The following SYT2 variants were observed in gnomAD, a reference collection of about 807,000 sequenced individuals.
SYT2 encodes synaptotagmin-2.
SYT2 carries 15 observed loss-of-function variants against 39.9 expected under a neutral mutation model. The observed-to-expected ratio is 0.38, with a 90% CI of 0.25 to 0.58. The LOEUF (loss-of-function observed/expected upper bound fraction) is 0.58. Among genes scored for constraint, SYT2 ranks in the 20% least tolerant of loss-of-function variants. The probability of loss-of-function intolerance (pLI) is 0.70; values close to 1 mark genes in which losing one functional copy is unlikely to be tolerated. For synonymous variants in SYT2, 181 were observed against 204.5 expected, an observed-to-expected ratio of 0.89 and a Z score of 0.98; for missense variants, 389 against 530.3, an observed-to-expected ratio of 0.73 and a Z score of 2.62.
chr1:202,695,616 G>A (rs1267125040), intron 1 of SYT2, among the ~76,000 whole-genome samples: 3 of 152,184 alleles, frequency 2.0e-5, no homozygotes, highest in Non-Finnish European at 4.4e-5. Flanking sequence ...TGTGAATTGG[G>A]GATAGTTTAT....
intron 1 of SYT2, among the ~76,000 whole-genome samples, chr1:202,639,072 C>T (rs1691828552): frequency 1.3e-5 from 2 of 152,224 alleles, no homozygotes; most frequent in African/African-American, 4.8e-5. Context: ...TTTGGCTATC[C>T]TGCTGCCCTG....
intron 1 of SYT2, among the ~76,000 whole-genome samples, chr1:202,667,948 T>A (rs753430410): frequency 3.3e-5 from 5 of 152,296 alleles, no homozygotes; most frequent in African/African-American, 1.2e-4. Flanking sequence ...CCTGACCTCG[T>A]GATCTGCCCA....
chr1:202,689,612 A>G (rs1174543359), intron 1 of SYT2, among the ~76,000 whole-genome samples: 1 of 152,102 alleles, frequency 6.6e-6, no homozygotes, highest in Non-Finnish European at 1.5e-5. Context: ...CCTCATCTGC[A>G]TACTAAGGTT....
intron 1 of SYT2, among the ~76,000 whole-genome samples, chr1:202,679,366 C>T (rs1024431144): frequency 6.6e-6 from 1 of 152,198 alleles, no homozygotes; most frequent in Admixed American, 6.5e-5. Context: ...AACTCAAACT[C>T]CCCATATCCA....
intron 1 of SYT2, among the ~76,000 whole-genome samples, chr1:202,667,114 G>C (rs1214395199): frequency 6.6e-6 from 1 of 152,152 alleles, no homozygotes; most frequent in Non-Finnish European, 1.5e-5. Context: ...TTTAACAGTT[G>C]ATAGAGAACT....
chr1:202,708,828 A>ACCTC (rs2102183628), intron 1 of SYT2, among the ~76,000 whole-genome samples: 1 of 152,168 alleles, frequency 6.6e-6, no homozygotes, highest in South Asian at 2.1e-4. Context: ...TTTTTTCAGC[A>ACCTC]CCTCTGCTGG....
At chr1:202,621,576 A>C (rs1691203278) in intron 1 of SYT2, among the ~76,000 whole-genome samples, 1 of 152,154 alleles carries the variant, frequency 6.6e-6, no homozygotes, top group African/African-American at 2.4e-5. Context: ...TGACCTCCCA[A>C]AGTGCTGGGA....
At chr1:202,602,104 C>T (rs1320551522) in intron 5 of SYT2, 47 bp from the exon 6 acceptor site, 1 of 1,605,148 alleles carries the variant, frequency 6.2e-7, no homozygotes, top group South Asian at 1.1e-5. Context: ...GACTCACGCA[C>T]CTCCAGGGGT....
intron 1 of SYT2, among the ~76,000 whole-genome samples, chr1:202,625,227 CTG>C (rs1425978901): frequency 1.7e-4 from 8 of 46,054 alleles, no homozygotes; most frequent in Admixed American, 7.5e-4. Context: ...GTGGTGTGTG[CTG>C]TGTCTGTGTG....
chr1:202,710,045 G>C (rs1429209094), intron 1 of SYT2, among the ~76,000 whole-genome samples: 1 of 151,550 alleles, frequency 6.6e-6, no homozygotes, highest in African/African-American at 2.4e-5. Context: ...CTCGCCCCTC[G>C]GGTCCGACTC....
Position 202,594,372 on chromosome 1 carries a change from T to G in SYT2, c.*2385A>C, listed in dbSNP as rs1314129300. 1 of 152,100 alleles carries G rather than the reference T, an allele frequency of 6.6e-6. No homozygotes were observed. The highest frequency in any genetic ancestry group is 1.5e-5 in the Non-Finnish European group (1 of 68,066). 9.4% of individuals were successfully genotyped at this position (152,100 alleles called of 1,614,324 possible). On this transcript the variant is annotated 3_prime_UTR_variant, in exon 9 of 9. Transcript: ENST00000367268. ...AATGAAGTTCATGAATGGAAAAGAA[T>G]CCAGGTGGTAGAAGATGAATTGGGA...
At chr1:202,693,732 C>T (rs1397425834) in intron 1 of SYT2, among the ~76,000 whole-genome samples, 2 of 152,222 alleles carry the variant, frequency 1.3e-5, no homozygotes, top group Non-Finnish European at 2.9e-5. Flanking sequence ...AAAAAAGATG[C>T]ACTGTCCATT....
intron 7 of SYT2, 77 bp downstream of exon 7, chr1:202,600,280 G>A (rs1690452001): frequency 1.7e-6 from 2 of 1,197,020 alleles, no homozygotes; most frequent in Non-Finnish European, 2.5e-6. Context: ...CTCTTCACTG[G>A]AGTGTGCAAA....
chr1:202,600,323 G>GC, intron 7 of SYT2, 34 bp downstream of exon 7: 2 of 1,576,506 alleles, frequency 1.3e-6, no homozygotes, highest in East Asian at 4.5e-5. Flanking sequence ...GCTCGCTGGT[G>GC]CCACCCAATG....
chr1:202,629,257 T>C (rs1691501990), intron 1 of SYT2, among the ~76,000 whole-genome samples: 1 of 152,230 alleles, frequency 6.6e-6, no homozygotes, highest in African/African-American at 2.4e-5. Context: ...TGCCCACCTC[T>C]GGGCCAAGGC....
At chr1:202,692,649 T>C (rs963030974) in intron 1 of SYT2, among the ~76,000 whole-genome samples, 28 of 152,178 alleles carry the variant, frequency 1.8e-4, no homozygotes, top group Admixed American at 1.6e-3. Context: ...ATTTTACAGA[T>C]GAAAAAGTGG....
intron 1 of SYT2, among the ~76,000 whole-genome samples, chr1:202,627,095 G>C (rs1691439258): frequency 6.6e-6 from 1 of 152,248 alleles, no homozygotes; most frequent in Non-Finnish European, 1.5e-5. Flanking sequence ...TCCAGGCTCT[G>C]TCCAGGAGGG....
At position 202,605,647 on chromosome 1, in the gene SYT2, G is replaced by A; in HGVS notation, c.126C>T (p.Asp42=). ...ACTTCTCCTTCAGTTTGGCAAACAT[G>A]TCCTCCTGGCTCTCCCCAGCACCCC... ...ESGGAGESQE[D]MFAKLKEKLF... Residue 42 remains aspartate (D), a synonymous_variant, in exon 2 of 9, where the codon GAC becomes GAT. Coordinates refer to ENST00000367268, the MANE Select transcript of SYT2 (RefSeq NM_177402.5). 6.2e-7 allele frequency: 1 copy of A among 1,613,946 alleles called. No homozygotes were observed. The highest frequency in any genetic ancestry group is 8.5e-7 in the Non-Finnish European group (1 of 1,179,856).
intron 1 of SYT2, among the ~76,000 whole-genome samples, chr1:202,699,384 C>T (rs79136691): frequency 0.09 from 13,710 of 152,088 alleles, 765 homozygotes; most frequent in Middle Eastern, 0.13. Context: ...CACCAGCCTG[C>T]GGCAGGGCAT....
Sources: allele counts gnomAD v4.1 joint callset (sites outside exome capture counted in the v4.1 genomes callset), GRCh38; gene constraint gnomAD v4.1.1; transcripts MANE v1.5; gene names NCBI Gene and HGNC (gene_info 2026-07-23, HGNC 2026-07-21).